Variants in RGS7BP observed in about 807,000 individuals in gnomAD.
The protein encoded by RGS7BP is regulator of G protein signaling 7 binding protein, also known as regulator of G protein signaling 7-binding protein.
In RGS7BP, 9 loss-of-function variants were observed where a neutral mutation model predicts 31.3. The observed-to-expected ratio is 0.29, with a 90% confidence interval of 0.17 to 0.50. The LOEUF (loss-of-function observed/expected upper bound fraction) is 0.50, where lower values mean the gene tolerates loss of function less well. Ranked by LOEUF, RGS7BP falls within the 20% of genes least tolerant of loss-of-function variation. The pLI is 0.98. For synonymous variants in RGS7BP, 115 were observed against 120.1 expected, an observed-to-expected ratio of 0.96 and a Z score of 0.28; for missense variants, 274 against 322.0, an observed-to-expected ratio of 0.85 and a Z score of 1.14.
chr5:64,539,806 T>C (rs895692512), intron 2 of RGS7BP: 7 of 152,314 alleles, frequency 4.6e-5, no homozygotes, highest in Admixed American at 4.6e-4. Flanking sequence ...AAAAAAAATT[T>C]AAAGTTTATT....
chr5:64,509,575 G>T (rs1440801358), intron 2 of RGS7BP, among the ~76,000 whole-genome samples: 2 of 151,972 alleles, frequency 1.3e-5, no homozygotes, highest in African/African-American at 4.8e-5. Flanking sequence ...TCTTTGAGAG[G>T]TATTATAGCT....
At chr5:64,581,761 C>T (rs1373705893) in intron 3 of RGS7BP, among the ~76,000 whole-genome samples, 1 of 152,196 alleles carries the variant, frequency 6.6e-6, no homozygotes, top group African/African-American at 2.4e-5. Flanking sequence ...ATTTCATGCA[C>T]CATGCTTCTG....
At chr5:64,531,081 C>T (rs1009798858) in intron 2 of RGS7BP, among the ~76,000 whole-genome samples, 1 of 152,220 alleles carries the variant, frequency 6.6e-6, no homozygotes, top group African/African-American at 2.4e-5. Flanking sequence ...TCATGTGCAG[C>T]TTCCTGGTTG....
chr5:64,576,013 G>A (rs905740631), intron 3 of RGS7BP, 109 bp downstream of exon 3: 10 of 957,820 alleles, frequency 1.0e-5, no homozygotes, highest in East Asian at 5.3e-5. Context: ...ATGCAATTAC[G>A]ATGAATTTAA....
At chr5:64,560,967 A>G (rs781678544) in intron 2 of RGS7BP, among the ~76,000 whole-genome samples, 1 of 152,150 alleles carries the variant, frequency 6.6e-6, no homozygotes, top group Non-Finnish European at 1.5e-5. Flanking sequence ...TGCAGAAAAG[A>G]GCACAAAAAG....
At chr5:64,549,098 C>T (rs1219337362) in intron 2 of RGS7BP, among the ~76,000 whole-genome samples, 1 of 152,138 alleles carries the variant, frequency 6.6e-6, no homozygotes, top group Non-Finnish European at 1.5e-5. Flanking sequence ...AGTCCAAGGT[C>T]TCATCTAAAT....
In RGS7BP at chr5:64,564,563, A is replaced by C. The variant is rs973966851; in HGVS notation, c.333-11211A>C. ...TGAACTTTTTATACACCCTTAAGTA[A>C]TTAACAAGTCTTAATCTCCAATTTT... On this transcript the variant is annotated intron_variant, in intron 2 of 5. Coordinates refer to ENST00000334025, the MANE Select transcript of RGS7BP (RefSeq NM_001029875.3). Among the ~76,000 whole-genome samples, 2 of 152,298 alleles carry C rather than the reference A, an allele frequency of 1.3e-5. 1 individual carries two copies. The highest frequency in any genetic ancestry group is 3.9e-4 in the East Asian group (2 of 5,186).
In RGS7BP at chr5:64,572,738, G is replaced by A. The variant is rs183467266; in HGVS notation, c.333-3036G>A. 1.3e-4 allele frequency among the ~76,000 whole-genome samples: 20 copies of A among 151,898 alleles called. No homozygotes were observed. The East Asian group carries it at 3.9e-3, about 29-fold the overall frequency. ...TTGAGAATCTCTGTAGGTTACAGAG[G>A]CATTTGGGAGATGGCACCCAAAGCA... On this transcript the variant is annotated intron_variant, in intron 2 of 5. Transcript: ENST00000334025.
At chr5:64,537,579 A>G (rs1263426186) in intron 2 of RGS7BP, among the ~76,000 whole-genome samples, 1 of 152,168 alleles carries the variant, frequency 6.6e-6, no homozygotes, top group Admixed American at 6.6e-5. Flanking sequence ...CTCTCCCCAG[A>G]AACTTGGCTA....
At chr5:64,571,908 C>G (rs1392596004) in intron 2 of RGS7BP, among the ~76,000 whole-genome samples, 1 of 152,090 alleles carries the variant, frequency 6.6e-6, no homozygotes, top group African/African-American at 2.4e-5. Flanking sequence ...TCTATCAATA[C>G]TAAGGCTTTG....
chr5:64,528,074 T>C (rs190490576), intron 2 of RGS7BP, among the ~76,000 whole-genome samples: 1 of 152,348 alleles, frequency 6.6e-6, no homozygotes, highest in Admixed American at 6.5e-5. Flanking sequence ...AACTGGCTGC[T>C]TTGCTTGTCC....
At chr5:64,589,676 G>A (rs192490120) in intron 3 of RGS7BP, among the ~76,000 whole-genome samples, 4 of 152,298 alleles carry the variant, frequency 2.6e-5, no homozygotes, top group Admixed American at 2.6e-4. Flanking sequence ...GCTCATGCCT[G>A]TAATTCCAGC....
intron 2 of RGS7BP, among the ~76,000 whole-genome samples, chr5:64,541,602 C>A (rs1341211453): frequency 6.6e-6 from 1 of 152,158 alleles, no homozygotes; most frequent in East Asian, 1.9e-4. Flanking sequence ...TAAGTGTGGC[C>A]AATGTAATAC....
chr5:64,555,086 GA>G (rs1186423695), intron 2 of RGS7BP, among the ~76,000 whole-genome samples: 1 of 151,920 alleles, frequency 6.6e-6, no homozygotes, highest in East Asian at 1.9e-4. Context: ...AAGAGTTTCA[GA>G]ACAGGAAAAT....
chr5:64,512,940 G>C (rs1273844311), intron 2 of RGS7BP, among the ~76,000 whole-genome samples: 2 of 152,218 alleles, frequency 1.3e-5, no homozygotes, highest in East Asian at 3.9e-4. Context: ...GCCTAGTTCT[G>C]GTATAGGCTA....
chr5:64,557,510 T>G (rs186714188), intron 2 of RGS7BP, among the ~76,000 whole-genome samples: 1 of 152,172 alleles, frequency 6.6e-6, no homozygotes, highest in Non-Finnish European at 1.5e-5. Context: ...TTGCTGAGAC[T>G]TCAGGTCCCA....
intron 3 of RGS7BP, among the ~76,000 whole-genome samples, chr5:64,588,715 A>G (rs1400821180): frequency 6.6e-6 from 1 of 152,186 alleles, no homozygotes; most frequent in African/African-American, 2.4e-5. Flanking sequence ...CATTATCATA[A>G]TGGAAATACT....
chr5:64,515,524 T>C (rs560562926), intron 2 of RGS7BP, among the ~76,000 whole-genome samples: 5 of 152,316 alleles, frequency 3.3e-5, no homozygotes, highest in Admixed American at 3.3e-4. Flanking sequence ...GAGATCACCT[T>C]TTCAAACTGT....
intron 5 of RGS7BP, among the ~76,000 whole-genome samples, chr5:64,608,802 C>T (rs929749245): frequency 2.0e-5 from 3 of 152,128 alleles, no homozygotes; most frequent in Non-Finnish European, 4.4e-5. Flanking sequence ...AAGGTATATA[C>T]GTTTCCCAAC....
Sources: allele counts gnomAD v4.1 joint callset (sites outside exome capture counted in the v4.1 genomes callset), GRCh38; gene constraint gnomAD v4.1.1; transcripts MANE v1.5; gene names NCBI Gene and HGNC (gene_info 2026-07-23, HGNC 2026-07-21).